Variants in HSPA4 observed in about 807,000 individuals in gnomAD.
HSPA4 encodes the protein heat shock 70 kDa protein 4.
HSPA4 carries 25 observed loss-of-function variants against 106.2 expected under a neutral mutation model. The observed-to-expected ratio is 0.24, with a 90% CI of 0.17 to 0.33. The LOEUF is 0.33. Among genes scored for constraint, HSPA4 ranks in the 10% least tolerant of loss-of-function variants. The probability of loss-of-function intolerance (pLI) is 1.00; values close to 1 mark genes in which losing one functional copy is unlikely to be tolerated. For synonymous variants in HSPA4, 332 were observed against 333.6 expected (o/e 1.00, Z 0.05); for missense variants, 841 against 996.0 (o/e 0.84, Z 2.10).
At chr5:133,103,014 T>A (rs1765807993) in intron 17 of HSPA4, among the ~76,000 whole-genome samples, 1 of 146,358 alleles carries the variant, frequency 6.8e-6, no homozygotes, top group East Asian at 2.0e-4. Flanking sequence ...CCCAAAGTGC[T>A]AGGATTATAG....
In HSPA4 at chr5:133,092,806, GTTTTTTTTTTTTTTTTTTT is replaced by G. The variant is rs57230598; in HGVS notation, c.1650+31_1650+49del. ...GAAATGGAGGTATGCATTGGGTGGTGTTTTTTTTTTTTTTTTTTTTTTTTTTTTTTTTGAGACAGAGTTT... is the reference window on the plus strand; with the variant it reads ...GAAATGGAGGTATGCATTGGGTGGTGTTTTTTTTTTTTTGAGACAGAGTTT... On this transcript the variant is annotated intron_variant, in intron 13 of 18. Coordinates refer to ENST00000304858, the MANE Select transcript of HSPA4 (RefSeq NM_002154.4). The G allele has an allele frequency of 4.4e-4, 208 of 474,044 alleles. 2 individuals are homozygous for G. The African/African-American group carries it at 6.4e-3, about 15-fold the overall frequency. 29.4% of individuals were successfully genotyped at this position (474,044 alleles called of 1,614,324 possible).
intron 1 of HSPA4, chr5:133,053,032 C>T (rs1320573477): frequency 6.6e-6 from 1 of 152,256 alleles, no homozygotes; most frequent in Non-Finnish European, 1.5e-5. Context: ...TTGGGTCACT[C>T]TCTGTTTTGT....
rs1437292615 is a variant in HSPA4, at chr5:133,104,313, A to G, written c.2400A>G (p.Ala800=). The change falls in exon 19 of 19, where the codon GCA becomes GCG. Residue 800 remains alanine (A), a synonymous_variant. Transcript: ENST00000304858. The stretch of plus-strand genomic sequence containing the variant: ...CTCCAAAAGAGGAACAAAAAAATGC[A>G]GAGCAGAATGGACCAGTGGATGGAC... ...VEPPKEEQKN[A]EQNGPVDGQG... 1.2e-6 allele frequency: 2 copies of G among 1,614,208 alleles called. No individual in the cohort carries two copies. The highest frequency in any genetic ancestry group is 1.1e-5 in the South Asian group (1 of 91,084).
chr5:133,067,628 T>A (rs1039284948), intron 3 of HSPA4, 71 bp downstream of exon 3: 1 of 1,269,490 alleles, frequency 7.9e-7, no homozygotes, highest in African/African-American at 1.5e-5. Context: ...TATCTATCTG[T>A]ACTTTTCTGA....
intron 13 of HSPA4, among the ~76,000 whole-genome samples, chr5:133,095,551 C>T (rs1246217831): frequency 6.6e-6 from 1 of 152,156 alleles, no homozygotes; most frequent in Non-Finnish European, 1.5e-5. Flanking sequence ...TAAATAGTTA[C>T]AGACATTATA....
intron 7 of HSPA4, among the ~76,000 whole-genome samples, chr5:133,078,231 C>T (rs944952935): frequency 1.3e-4 from 20 of 151,924 alleles, no homozygotes; most frequent in African/African-American, 4.8e-4. Flanking sequence ...GCTGGGGAGG[C>T]TGAGGCAGGG....
rs143914472 is a variant in HSPA4, at chr5:133,056,380, C to G, written c.107+4023C>G. ...GGAAGATTATTTTTTGACACGGAGT[C>G]TGGCTCTGTCACCCAGGCTGGAGTG... On this transcript the variant is annotated intron_variant, in intron 1 of 18. Coordinates refer to ENST00000304858, the MANE Select transcript of HSPA4 (RefSeq NM_002154.4). Among the ~76,000 whole-genome samples the G allele has an allele frequency of 5.9e-3, 893 of 152,282 alleles. 12 individuals carry two copies. The highest frequency in any genetic ancestry group is 0.02 in the African/African-American group (846 of 41,558).
In HSPA4 at chr5:133,091,385, C is replaced by T; in HGVS notation, c.1560+11C>T. 1 of 1,598,604 alleles carries T rather than the reference C, an allele frequency of 6.3e-7. No homozygotes were observed. On this transcript the variant is annotated intron_variant, in intron 12 of 18. Coordinates refer to ENST00000304858, the MANE Select transcript of HSPA4 (RefSeq NM_002154.4). ...GCAAAGGAGGAAGAGGTAATCTAGA[C>T]ATTGTATACCACTTGTGATGGCCCA...
Position 133,052,093 on chromosome 5 carries a change from A to C in HSPA4, c.-158A>C, listed in dbSNP as rs147244562. ...CGGCCTGAGCAGCGCTCTCGGTTGC[A>C]GTACCCACTGGAAGGACTTAGGCGC... is the stretch of plus-strand genomic sequence containing the variant. On this transcript the variant is annotated 5_prime_UTR_variant, in exon 1 of 19. Transcript: ENST00000304858. 662 of 587,560 alleles carry C rather than the reference A, an allele frequency of 1.1e-3. No homozygotes were observed. The highest frequency in any genetic ancestry group is 3.1e-3 in the Middle Eastern group (7 of 2,236). 36.4% of individuals were successfully genotyped at this position (587,560 alleles called of 1,614,324 possible). A position where few individuals can be genotyped will look rare whatever the true frequency, so the allele number is the denominator to read the frequency against.
In HSPA4 at chr5:133,104,038, CT is replaced by C. The variant is rs746950249; in HGVS notation, c.2319+20del. The C allele has an allele frequency of 8.6e-5, 137 of 1,600,944 alleles. 1 individual carries two copies. Among genetic ancestry groups the C allele is most frequent in the South Asian group, 6.1e-4 (55 of 89,664 alleles). On this transcript the variant is annotated intron_variant, in intron 18 of 18. Coordinates refer to ENST00000304858, the MANE Select transcript of HSPA4 (RefSeq NM_002154.4). ...AAGCTAAAATTAAGGTAATTTAAGACTTTTTTTTAATAGTCTTTTCTTGACA... is the reference window on the plus strand; with the variant it reads ...AAGCTAAAATTAAGGTAATTTAAGACTTTTTTTAATAGTCTTTTCTTGACA...
At chr5:133,088,907 G>T in intron 9 of HSPA4, 148 bp from the exon 10 acceptor site, 2 of 499,940 alleles carry the variant, frequency 4.0e-6, no homozygotes, top group Non-Finnish European at 7.0e-6. Context: ...ATAGAAGTTT[G>T]TAAAACTGTT....
intron 1 of HSPA4, among the ~76,000 whole-genome samples, chr5:133,061,744 C>T (rs1185299610): frequency 3.3e-5 from 5 of 152,070 alleles, no homozygotes; most frequent in African/African-American, 7.2e-5. Context: ...CTCAGCCTCC[C>T]GAGTAGCTGG....
intron 7 of HSPA4, among the ~76,000 whole-genome samples, chr5:133,083,914 C>G (rs1014731234): frequency 6.6e-6 from 1 of 152,058 alleles, no homozygotes; most frequent in African/African-American, 2.4e-5. Flanking sequence ...TTGCGGACAT[C>G]TATAAATGTA....
chr5:133,103,801 C>T (rs1040096102), intron 17 of HSPA4, 64 bp from the exon 18 acceptor site: 1 of 1,315,220 alleles, frequency 7.6e-7, no homozygotes, highest in African/African-American at 1.5e-5. Flanking sequence ...AGAAACTAGA[C>T]AGTAGTTGCG....
intron 1 of HSPA4, among the ~76,000 whole-genome samples, chr5:133,063,229 G>C (rs781075130): frequency 2.7e-5 from 4 of 150,090 alleles, no homozygotes; most frequent in Non-Finnish European, 5.9e-5. Context: ...CCCCCACCCC[G>C]TGACTGCCCC....
In HSPA4 at chr5:133,052,615, G is replaced by C. The variant is rs187685980; in HGVS notation, c.107+258G>C. On this transcript the variant is annotated intron_variant, in intron 1 of 18. Transcript: ENST00000304858. ...AAGAAAGGCTTCTGGCCGGTACTCGGACCAGCGGAGGGCACGGGTAGGAAC... is the reference window on the plus strand; with the variant it reads ...AAGAAAGGCTTCTGGCCGGTACTCGCACCAGCGGAGGGCACGGGTAGGAAC... Among the ~76,000 whole-genome samples the C allele has an allele frequency of 1.2e-4, 19 of 152,380 alleles. No homozygotes were observed. In the East Asian group the frequency reaches 3.7e-3, roughly 29 times the overall value.
At chr5:133,098,102 A>G (rs1765737859) in intron 15 of HSPA4, among the ~76,000 whole-genome samples, 2 of 151,990 alleles carry the variant, frequency 1.3e-5, no homozygotes, top group African/African-American at 2.4e-5. Flanking sequence ...TCCAAAGTCC[A>G]TTATATTTCT....
At chr5:133,063,818 G>GGC (rs1765275281) in intron 1 of HSPA4, among the ~76,000 whole-genome samples, 1 of 151,924 alleles carries the variant, frequency 6.6e-6, no homozygotes, top group African/African-American at 2.4e-5. Flanking sequence ...CTGGAGTGCA[G>GGC]TGGCACAATC....
chr5:133,066,306 T>A (rs1041831622), intron 2 of HSPA4, among the ~76,000 whole-genome samples: 8 of 152,162 alleles, frequency 5.3e-5, no homozygotes, highest in African/African-American at 1.9e-4. Flanking sequence ...ATCTAGTTGA[T>A]ACAGGAGCTT....
Sources: gnomAD v4.1 joint callset for allele counts (sites outside exome capture counted in the v4.1 genomes callset) on GRCh38, gnomAD v4.1.1 for gene constraint, MANE v1.5 for transcripts, NCBI Gene and HGNC (gene_info 2026-07-23, HGNC 2026-07-21) for gene names.